KCNH8: variants seen among roughly 807,000 people sequenced by gnomAD.
The protein encoded by KCNH8 is voltage-gated delayed rectifier potassium channel KCNH8.
Under a neutral mutation model 103.6 loss-of-function variants are expected in KCNH8, and 70 were observed. The ratio of observed to expected loss-of-function variants is 0.68; its 90% CI spans 0.56 to 0.82. The LOEUF (loss-of-function observed/expected upper bound fraction) is 0.82, where lower values mean the gene tolerates loss of function less well. Ranked by LOEUF, KCNH8 falls within the 40% of genes least tolerant of loss-of-function variation. The pLI is 0.00. For missense variants in KCNH8, 1,217 were observed against 1,329.9 expected (o/e 0.92, Z 1.32); for synonymous variants, 498 against 489.4 (o/e 1.02, Z -0.23).
intron 1 of KCNH8, among the ~76,000 whole-genome samples, chr3:19,157,371 C>A (rs905086606): frequency 2.0e-5 from 3 of 151,966 alleles, no homozygotes; most frequent in African/African-American, 7.2e-5. Flanking sequence ...TGAGAAGGAG[C>A]TTTTGTGTTG....
At chr3:19,376,790 A>C (rs1374053825) in intron 5 of KCNH8, among the ~76,000 whole-genome samples, 1 of 152,250 alleles carries the variant, frequency 6.6e-6, no homozygotes, top group African/African-American at 2.4e-5. Flanking sequence ...GAAGAGACTC[A>C]AAATACACTG....
chr3:19,182,656 T>C (rs2063465827), intron 1 of KCNH8, among the ~76,000 whole-genome samples: 1 of 152,072 alleles, frequency 6.6e-6, no homozygotes, highest in African/African-American at 2.4e-5. Flanking sequence ...AAAAGACAAA[T>C]AGGGAAAGAG....
chr3:19,208,243 A>G (rs966614754), intron 1 of KCNH8, among the ~76,000 whole-genome samples: 4 of 152,062 alleles, frequency 2.6e-5, no homozygotes, highest in Admixed American at 6.6e-5. Context: ...TTTGCAAAAT[A>G]TTGCATTATG....
At chr3:19,468,092 C>A (rs367849658) in intron 11 of KCNH8, among the ~76,000 whole-genome samples, 1 of 152,138 alleles carries the variant, frequency 6.6e-6, no homozygotes, top group African/African-American at 2.4e-5. Context: ...TGTTATATCA[C>A]CTTGTTTGTC....
chr3:19,380,542 A>T (rs2066274387), intron 5 of KCNH8, among the ~76,000 whole-genome samples: 1 of 152,232 alleles, frequency 6.6e-6, no homozygotes, highest in African/African-American at 2.4e-5. Flanking sequence ...TTTGGTGATC[A>T]AACTACCACA....
chr3:19,193,615 T>C (rs1273843551), intron 1 of KCNH8, among the ~76,000 whole-genome samples: 1 of 151,668 alleles, frequency 6.6e-6, no homozygotes, highest in Non-Finnish European at 1.5e-5. Context: ...TTGTAAAAGG[T>C]ACAGGTAGAT....
At chr3:19,207,585 A>G (rs951959508) in intron 1 of KCNH8, among the ~76,000 whole-genome samples, 1 of 152,028 alleles carries the variant, frequency 6.6e-6, no homozygotes, top group Non-Finnish European at 1.5e-5. Flanking sequence ...ACTTTATGAT[A>G]ATACAAAATA....
chr3:19,206,485 A>G (rs1196904081), intron 1 of KCNH8, among the ~76,000 whole-genome samples: 2 of 151,858 alleles, frequency 1.3e-5, no homozygotes, highest in African/African-American at 4.8e-5. Flanking sequence ...AGGAAGCTTG[A>G]AAGACAATTA....
intron 5 of KCNH8, among the ~76,000 whole-genome samples, chr3:19,349,429 A>G (rs1424877417): frequency 6.6e-6 from 1 of 152,102 alleles, no homozygotes; most frequent in Non-Finnish European, 1.5e-5. Context: ...AAAGTTCTCA[A>G]GAACTTGGGC....
chr3:19,531,958 A>G (rs2069169178), intron 15 of KCNH8, among the ~76,000 whole-genome samples: 1 of 152,248 alleles, frequency 6.6e-6, no homozygotes, highest in Non-Finnish European at 1.5e-5. Context: ...ATAGCAATGA[A>G]GGCAAAACAT....
chr3:19,290,052 G>A (rs1201390089), intron 3 of KCNH8, among the ~76,000 whole-genome samples: 2 of 152,078 alleles, frequency 1.3e-5, no homozygotes, highest in Admixed American at 6.5e-5. Flanking sequence ...CTGTTTGTCT[G>A]TTATTGGTGT....
intron 10 of KCNH8, among the ~76,000 whole-genome samples, chr3:19,454,107 C>T (rs1450384520): frequency 6.6e-6 from 1 of 150,476 alleles, no homozygotes; most frequent in Non-Finnish European, 1.5e-5. Flanking sequence ...TAAAGTAAGG[C>T]TCAATAATAG....
At chr3:19,314,512 A>G (rs949091950) in intron 3 of KCNH8, among the ~76,000 whole-genome samples, 66 of 151,992 alleles carry the variant, frequency 4.3e-4, no homozygotes, top group African/African-American at 1.4e-3. Flanking sequence ...TGATGCTACA[A>G]TGAGCCATGG....
At chr3:19,487,693 T>C (rs577585635) in intron 11 of KCNH8, among the ~76,000 whole-genome samples, 15 of 152,280 alleles carry the variant, frequency 9.9e-5, no homozygotes, top group Middle Eastern at 3.4e-3. Context: ...AAAGTCTCTA[T>C]TCTTTTTCCT....
At chr3:19,372,087 C>A (rs1052999618) in intron 5 of KCNH8, among the ~76,000 whole-genome samples, 9 of 152,096 alleles carry the variant, frequency 5.9e-5, no homozygotes, top group Non-Finnish European at 1.2e-4. Context: ...ATTGACTTGG[C>A]GATGCGGGCT....
intron 1 of KCNH8, among the ~76,000 whole-genome samples, chr3:19,208,340 A>G (rs929565302): frequency 1.3e-5 from 2 of 152,044 alleles, no homozygotes; most frequent in African/African-American, 4.8e-5. Context: ...GTTTATTCCT[A>G]TTGCACATCT....
At position 19,398,565 on chromosome 3, in the gene KCNH8, A is replaced by G. The variant is rs560415820; in HGVS notation, c.1177+3254A>G. Reference sequence around the variant, plus strand: ...TAAGCTTTAGAGTGTAGACTTCATCATAAGATACAGTGAGGGATAAAGTTC... The same window carrying G: ...TAAGCTTTAGAGTGTAGACTTCATCGTAAGATACAGTGAGGGATAAAGTTC... On this transcript the variant is annotated intron_variant, in intron 7 of 15. Transcript: ENST00000328405. Among the ~76,000 whole-genome samples the G allele has an allele frequency of 2.0e-5, 3 of 152,086 alleles. No homozygotes were observed. In the East Asian group the frequency reaches 5.8e-4, roughly 29 times the overall value.
At chr3:19,320,060 TG>T (rs1378661121) in intron 3 of KCNH8, among the ~76,000 whole-genome samples, 3 of 151,980 alleles carry the variant, frequency 2.0e-5, no homozygotes, top group African/African-American at 7.2e-5. Context: ...GTTTTTTGGA[TG>T]AATCTTTGGG....
intron 11 of KCNH8, among the ~76,000 whole-genome samples, chr3:19,502,960 C>CA (rs1417837346): frequency 4.0e-5 from 6 of 151,828 alleles, no homozygotes; most frequent in Admixed American, 3.9e-4. Flanking sequence ...TTCTGCACAG[C>CA]AAAAGAAACT....
Sources: allele counts gnomAD v4.1 joint callset (sites outside exome capture counted in the v4.1 genomes callset), GRCh38; gene constraint gnomAD v4.1.1; transcripts MANE v1.5; gene names NCBI Gene and HGNC (gene_info 2026-07-23, HGNC 2026-07-21).